ALDH1A2: variants seen among roughly 807,000 people sequenced by gnomAD.
ALDH1A2 encodes the protein retinal dehydrogenase 2.
ALDH1A2 carries 27 observed loss-of-function variants against 60.3 expected under a neutral mutation model. The ratio of observed to expected loss-of-function variants is 0.45; its 90% CI spans 0.33 to 0.62. The LOEUF (loss-of-function observed/expected upper bound fraction) is 0.62, where lower values mean the gene tolerates loss of function less well. Among genes scored for constraint, ALDH1A2 ranks in the 20% least tolerant of loss-of-function variants. The probability of loss-of-function intolerance (pLI) is 0.02; values close to 1 mark genes in which losing one functional copy is unlikely to be tolerated. For synonymous variants in ALDH1A2, 289 were observed against 232.4 expected (o/e 1.24, Z -2.21); for missense variants, 581 against 643.8 (o/e 0.90, Z 1.06).
At chr15:57,971,089 CTA>C (rs1471513819) in intron 7 of ALDH1A2, among the ~76,000 whole-genome samples, 3 of 152,360 alleles carry the variant, frequency 2.0e-5, no homozygotes, top group East Asian at 1.9e-4. Context: ...AGTATAACCA[CTA>C]TGTTTCCAGC....
chr15:58,036,274 A>C (rs2704220), intron 1 of ALDH1A2, among the ~76,000 whole-genome samples: 15,453 of 151,618 alleles, frequency 0.1, 1,715 homozygotes, highest in African/African-American at 0.28. Context: ...ATCACTGGAA[A>C]ATAAAATTTA....
chr15:57,987,741 C>T (rs1894752789), intron 7 of ALDH1A2, among the ~76,000 whole-genome samples: 1 of 151,812 alleles, frequency 6.6e-6, no homozygotes, highest in African/African-American at 2.4e-5. Context: ...AAAAATTAAC[C>T]AGGCATGGTA....
chr15:58,025,722 G>A (rs1896061741), intron 1 of ALDH1A2, among the ~76,000 whole-genome samples: 1 of 152,230 alleles, frequency 6.6e-6, no homozygotes, highest in Admixed American at 6.5e-5. Context: ...TGATTCTGCA[G>A]GCCATATGAG....
intron 1 of ALDH1A2, among the ~76,000 whole-genome samples, chr15:58,061,141 C>T (rs887306869): frequency 1.3e-5 from 2 of 152,062 alleles, no homozygotes; most frequent in Admixed American, 6.5e-5. Context: ...GTAACATAGG[C>T]CCATGTAGTG....
chr15:58,061,433 TA>T lies in ALDH1A2; in HGVS notation c.117+4100del, dbSNP rs553593802. Among the ~76,000 whole-genome samples the T allele has an allele frequency of 6.4e-4, 93 of 145,988 alleles. 1 individual carries two copies. The South Asian group carries it at 6.9e-3, about 11-fold the overall frequency. On this transcript the variant is annotated intron_variant, in intron 1 of 12. Transcript: ENST00000249750. Reference sequence around the variant, plus strand: ...CACAGGCAAGAATCTTGCCCCAGATTAAAAAAAAAAATCTCATAGAAAAATC... The same window carrying T: ...CACAGGCAAGAATCTTGCCCCAGATTAAAAAAAAAATCTCATAGAAAAATC...
chr15:57,953,788 T>A lies in ALDH1A2; in HGVS notation c.*1409A>T, dbSNP rs9325. ...ATATATATGTTGCCCATATTCCACA[T>A]ACTCTGGGTTATGTTTGGTACTTTT... On this transcript the variant is annotated 3_prime_UTR_variant, in exon 13 of 13. Coordinates refer to ENST00000249750, the MANE Select transcript of ALDH1A2 (RefSeq NM_003888.4). 54,967 of 152,332 alleles carry A rather than the reference T, an allele frequency of 0.36. 10,776 individuals carry two copies. The highest frequency in any genetic ancestry group is 0.46 in the Non-Finnish European group (31,019 of 67,994). The allele number at this position is 152,332 out of a possible 1,614,324, so 9.4% of individuals were successfully genotyped here.
chr15:58,031,505 T>C (rs1896239372), intron 1 of ALDH1A2, among the ~76,000 whole-genome samples: 2 of 152,094 alleles, frequency 1.3e-5, no homozygotes, highest in Admixed American at 1.3e-4. Context: ...AAAGCCAACA[T>C]AGACAAATGG....
intron 1 of ALDH1A2, among the ~76,000 whole-genome samples, chr15:58,016,137 ATT>A (rs532101226): frequency 1.3e-3 from 181 of 134,342 alleles, no homozygotes; most frequent in African/African-American, 4.0e-3. Flanking sequence ...ACTGATCCTA[ATT>A]TTTTTTTTTT....
intron 1 of ALDH1A2, among the ~76,000 whole-genome samples, chr15:58,040,663 T>C (rs1329967115): frequency 1.3e-5 from 2 of 151,966 alleles, no homozygotes; most frequent in African/African-American, 4.8e-5. Context: ...TGCTAAGATG[T>C]AACTTTAAAT....
rs758434500 is a variant in ALDH1A2 at position 57,965,816 on chromosome 15, A to C, written c.810T>G (p.Leu270=). The change falls in exon 8 of 13, where the codon CTT becomes CTG. Residue 270 remains leucine, a synonymous_variant. Coordinates refer to ENST00000249750, the MANE Select transcript of ALDH1A2 (RefSeq NM_003888.4). ...TACTTCTTCCAGCTGCTTCTTGGAT[A>C]AGCTTTCCAACCTGAAAGAAGGGAA... ...AFTGSTEVGK[L]IQEAAGRSNL... 1.9e-6 allele frequency: 3 copies of C among 1,614,038 alleles called. No homozygotes were observed. In the South Asian group the frequency reaches 3.3e-5, roughly 18 times the overall value.
intron 1 of ALDH1A2, among the ~76,000 whole-genome samples, chr15:58,037,625 ATT>A (rs1896409745): frequency 6.6e-6 from 1 of 151,760 alleles, no homozygotes; most frequent in Non-Finnish European, 1.5e-5. Flanking sequence ...GTGCATCATA[ATT>A]CTATTTGCAG....
chr15:58,065,457 C>A, intron 1 of ALDH1A2, 77 bp downstream of exon 1: 1 of 1,287,762 alleles, frequency 7.8e-7, no homozygotes, highest in Admixed American at 1.7e-5. Flanking sequence ...GCAGCCCTCA[C>A]CCGCTGAAGA....
intron 5 of ALDH1A2, among the ~76,000 whole-genome samples, chr15:57,993,289 C>T (rs1359278628): frequency 6.6e-6 from 1 of 152,180 alleles, no homozygotes; most frequent in Non-Finnish European, 1.5e-5. Context: ...AATTACTATA[C>T]TCCAACTACC....
At chr15:57,996,144 G>A (rs1895053528) in intron 4 of ALDH1A2, among the ~76,000 whole-genome samples, 1 of 152,074 alleles carries the variant, frequency 6.6e-6, no homozygotes, top group South Asian at 2.1e-4. Context: ...TGAAGGTGGG[G>A]ACAGGAGGAC....
At position 57,964,081 on chromosome 15, in the gene ALDH1A2, A is replaced by T. The variant is rs1305533933; in HGVS notation, c.902-12T>A. 1 of 1,613,880 alleles carries T rather than the reference A, an allele frequency of 6.2e-7. No individual in the cohort carries two copies. Reference sequence around the variant, plus strand: ...CACAGCATAGTCCACTACAAGAGGAAACAGCCATGTTCTCACCGCTTTGCC... The same window carrying T: ...CACAGCATAGTCCACTACAAGAGGATACAGCCATGTTCTCACCGCTTTGCC... On this transcript the variant is annotated splice_polypyrimidine_tract_variant and intron_variant, in intron 8 of 12. Coordinates refer to ENST00000249750, the MANE Select transcript of ALDH1A2 (RefSeq NM_003888.4).
chr15:58,001,374 TAAAAATAAACA>T (rs1404540021), intron 4 of ALDH1A2, among the ~76,000 whole-genome samples: 1 of 151,558 alleles, frequency 6.6e-6, no homozygotes, highest in Non-Finnish European at 1.5e-5. Flanking sequence ...ACAAATGGGG[TAAAAATAAACA>T]AAGAAAAAAC....
rs192790534 is a variant in ALDH1A2, at chr15:57,986,478, T to C, written c.798+6227A>G. 2.4e-4 allele frequency among the ~76,000 whole-genome samples: 36 copies of C among 149,514 alleles called. 1 individual carries two copies. The East Asian group carries it at 5.1e-3, about 21-fold the overall frequency. ...TAACTACCTTTTAGGAAAAAAAAAG[T>C]TTGACATTCTTTAAAGAAAAACAAC... On this transcript the variant is annotated intron_variant, in intron 7 of 12. Coordinates refer to ENST00000249750, the MANE Select transcript of ALDH1A2 (RefSeq NM_003888.4).
chr15:58,060,946 C>T (rs1413737750), intron 1 of ALDH1A2, among the ~76,000 whole-genome samples: 4 of 152,176 alleles, frequency 2.6e-5, no homozygotes, highest in African/African-American at 9.7e-5. Flanking sequence ...AATCATTGTG[C>T]TTCATTGATG....
chr15:57,961,585 C>G (rs1893721482), intron 10 of ALDH1A2, among the ~76,000 whole-genome samples: 1 of 152,172 alleles, frequency 6.6e-6, no homozygotes, highest in South Asian at 2.1e-4. Flanking sequence ...CTCCGTGATC[C>G]TGCAAACACT....
Sources: allele counts gnomAD v4.1 joint callset (sites outside exome capture counted in the v4.1 genomes callset), GRCh38; gene constraint gnomAD v4.1.1; transcripts MANE v1.5; gene names NCBI Gene and HGNC (gene_info 2026-07-23, HGNC 2026-07-21).